Variants in PRR11 observed in about 807,000 individuals in gnomAD.
The protein encoded by PRR11 is proline-rich protein 11.
In PRR11, 30 loss-of-function variants were observed where a neutral mutation model predicts 45.6. The ratio of observed to expected loss-of-function variants is 0.66; its 90% CI spans 0.49 to 0.89. The LOEUF is 0.89. PRR11 is among the 40% of genes least tolerant of loss of function. PRR11 has a pLI of 0.00. For missense variants in PRR11, 373 were observed against 424.8 expected (o/e 0.88, Z 1.07); for synonymous variants, 128 against 153.5 (o/e 0.83, Z 1.23).
chr17:59,163,937 C>T (rs1314849900), intron 1 of PRR11, among the ~76,000 whole-genome samples: 5 of 151,878 alleles, frequency 3.3e-5, no homozygotes, highest in East Asian at 1.9e-4. Context: ...CCGTGGCAGG[C>T]GCCTGTAATC....
chr17:59,197,907 C>G, intron 9 of PRR11, 118 bp downstream of exon 9: 1 of 849,656 alleles, frequency 1.2e-6, no homozygotes, highest in East Asian at 2.5e-5. Context: ...ATTGCTTGAG[C>G]CTAGCAGTTC....
At chr17:59,169,345 G>A (rs368580474) in intron 1 of PRR11, among the ~76,000 whole-genome samples, 2 of 151,874 alleles carry the variant, frequency 1.3e-5, no homozygotes, top group African/African-American at 4.8e-5. Context: ...TGATTCACCC[G>A]CCTCGGCCTC....
intron 4 of PRR11, among the ~76,000 whole-genome samples, chr17:59,192,176 A>G (rs538830308): frequency 3.3e-5 from 5 of 152,290 alleles, no homozygotes; most frequent in African/African-American, 1.2e-4. Context: ...CATACAGAGA[A>G]GAGAAGCAAT....
At position 59,171,471 on chromosome 17, in the gene PRR11, G is replaced by A. The variant is rs376546150; in HGVS notation, c.128+1591G>A. 1.2e-3 allele frequency among the ~76,000 whole-genome samples: 175 copies of A among 152,074 alleles called. 4 individuals are homozygous for A. In the South Asian group the frequency reaches 0.035, roughly 31 times the overall value. On this transcript the variant is annotated intron_variant, in intron 2 of 9. Transcript: ENST00000262293. Reference sequence around the variant, plus strand: ...CCCTTCAGCAGCACATGTAACCATAGATACAAAGATTTAAATATAAAAGAT... The same window carrying A: ...CCCTTCAGCAGCACATGTAACCATAAATACAAAGATTTAAATATAAAAGAT...
intron 2 of PRR11, among the ~76,000 whole-genome samples, chr17:59,171,119 C>T (rs1443739283): frequency 4.6e-5 from 7 of 152,084 alleles, no homozygotes; most frequent in African/African-American, 9.7e-5. Context: ...AAAAATTAGC[C>T]GGGCGCGGTG....
At chr17:59,197,995 G>A (rs1222250839) in intron 9 of PRR11, 4 of 529,538 alleles carry the variant, frequency 7.6e-6, no homozygotes, top group African/African-American at 5.7e-5. Flanking sequence ...CATGCCTGTA[G>A]TTCCAGCTAC....
intron 2 of PRR11, among the ~76,000 whole-genome samples, chr17:59,178,001 C>CAA (rs1555716177): frequency 1.5e-5 from 2 of 131,320 alleles, no homozygotes; most frequent in Middle Eastern, 3.9e-3. Flanking sequence ...GATACTGTCT[C>CAA]GAAAAAAAAA....
intron 1 of PRR11, among the ~76,000 whole-genome samples, chr17:59,167,092 A>T (rs556167969): frequency 6.6e-6 from 1 of 152,296 alleles, no homozygotes; most frequent in East Asian, 1.9e-4. Flanking sequence ...TGAATCCAGG[A>T]GGCGGAGCTT....
intron 4 of PRR11, among the ~76,000 whole-genome samples, chr17:59,189,535 T>C (rs1444220054): frequency 6.6e-6 from 1 of 151,986 alleles, no homozygotes; most frequent in Non-Finnish European, 1.5e-5. Flanking sequence ...GATCTCACCA[T>C]GTTGCCCAGG....
chr17:59,159,119 C>T (rs757021442), intron 1 of PRR11, among the ~76,000 whole-genome samples: 11 of 152,140 alleles, frequency 7.2e-5, no homozygotes, highest in Non-Finnish European at 1.5e-4. Flanking sequence ...CGCACCCAGC[C>T]TCCCACACCC....
chr17:59,166,571 G>A (rs1427052851), intron 1 of PRR11, among the ~76,000 whole-genome samples: 1 of 151,826 alleles, frequency 6.6e-6, no homozygotes, highest in African/African-American at 2.4e-5. Context: ...TATATTTAAT[G>A]GTAATATATT....
At chr17:59,188,942 A>AAATAATAATAATAATAATAAT (rs56917280) in intron 4 of PRR11, among the ~76,000 whole-genome samples, 3 of 144,348 alleles carry the variant, frequency 2.1e-5, no homozygotes, top group Non-Finnish European at 4.5e-5. Flanking sequence ...TGTGTCTCAA[A>AAATAATAATAATAATAATAAT]AATAATAATA....
At chr17:59,187,524 C>T (rs757824438) in intron 4 of PRR11, among the ~76,000 whole-genome samples, 1 of 151,404 alleles carries the variant, frequency 6.6e-6, no homozygotes, top group Admixed American at 6.6e-5. Flanking sequence ...GAGCTGAGAT[C>T]GCATCACTGC....
Position 59,201,839 on chromosome 17 carries a change from C to T in PRR11, c.*208C>T, listed in dbSNP as rs1025189965. The T allele has an allele frequency of 2.9e-5, 15 of 510,724 alleles. No homozygotes were observed. The highest frequency in any genetic ancestry group is 1.0e-3 in the Middle Eastern group (2 of 1,986). The allele number at this position is 510,724 out of a possible 1,614,324, so 31.6% of individuals were successfully genotyped here. A position where few individuals can be genotyped will look rare whatever the true frequency, so the allele number is the denominator to read the frequency against. ...TACAGAAATTAGCTGGGCATAGTGG[C>T]GGGTGCCTGTAATCCCAGCTATGCG... On this transcript the variant is annotated 3_prime_UTR_variant, in exon 10 of 10. Coordinates refer to ENST00000262293, the MANE Select transcript of PRR11 (RefSeq NM_018304.4).
intron 2 of PRR11, chr17:59,181,665 T>A (rs547825632): frequency 1.3e-6 from 2 of 1,535,784 alleles, no homozygotes; most frequent in South Asian, 2.2e-5. Context: ...CCTCCTCCGA[T>A]GACTCCTCAG....
At chr17:59,189,841 T>C (rs962138482) in intron 4 of PRR11, among the ~76,000 whole-genome samples, 1 of 152,102 alleles carries the variant, frequency 6.6e-6, no homozygotes, top group Admixed American at 6.6e-5. Context: ...AAAAATTAAA[T>C]TTTTTAGCTG....
At chr17:59,200,644 C>T (rs1376829832) in intron 9 of PRR11, among the ~76,000 whole-genome samples, 1 of 152,170 alleles carries the variant, frequency 6.6e-6, no homozygotes, top group Admixed American at 6.5e-5. Flanking sequence ...AGGCGCCCGC[C>T]ACCACGCCCG....
intron 2 of PRR11, chr17:59,178,352 T>A (rs1178812057): frequency 2.4e-6 from 1 of 420,694 alleles, no homozygotes; most frequent in Admixed American, 2.9e-5. Context: ...AAGAAGACTG[T>A]GGGAGCATCT....
At chr17:59,185,274 G>A in intron 3 of PRR11, 70 bp downstream of exon 3, 1 of 1,563,408 alleles carries the variant, frequency 6.4e-7, no homozygotes, top group African/African-American at 1.4e-5. Context: ...ATACATATGT[G>A]CTCAAGTCAG....
Sources: allele counts gnomAD v4.1 joint callset (sites outside exome capture counted in the v4.1 genomes callset), GRCh38; gene constraint gnomAD v4.1.1; transcripts MANE v1.5; gene names NCBI Gene and HGNC (gene_info 2026-07-23, HGNC 2026-07-21).